Variants in GGA1 observed in about 807,000 individuals in gnomAD.
GGA1 encodes golgi associated, gamma adaptin ear containing, ARF binding protein 1.
A neutral mutation model predicts 76.9 loss-of-function variants in GGA1; 18 were observed. The observed-to-expected ratio is 0.23, with a 90% CI of 0.16 to 0.35. The LOEUF is 0.35. Among genes scored for constraint, GGA1 ranks in the 10% least tolerant of loss-of-function variants. The pLI is 1.00. For missense variants in GGA1, 755 were observed against 859.0 expected (o/e 0.88, Z 1.51); for synonymous variants, 342 against 354.7 (o/e 0.96, Z 0.40).
chr22:37,623,386 CAAT>C lies in GGA1; in HGVS notation c.670_672del (p.Asn224del). Reference sequence around the variant, plus strand: ...TGAATGCCATCGAGGAGGTGAACAACAATGTGAAACTGCTCACGGAGATGGTGA... The same window carrying C: ...TGAATGCCATCGAGGAGGTGAACAACGTGAAACTGCTCACGGAGATGGTGA... On this transcript the variant is annotated inframe_deletion, in exon 8 of 17. Coordinates refer to ENST00000343632, the MANE Select transcript of GGA1 (RefSeq NM_013365.5). This position sits in a 1 kb window ranked among gnomAD's most constrained non-coding sequence, Gnocchi z 4.6. 1 of 1,613,832 alleles carries C rather than the reference CAAT, an allele frequency of 6.2e-7. No homozygotes were observed.
chr22:37,629,659 G>A, intron 12 of GGA1, 133 bp downstream of exon 12: 1 of 600,298 alleles, frequency 1.7e-6, no homozygotes. Flanking sequence ...TGGCCCAGGG[G>A]CCTGGAGACA....
rs747962929 is a variant in GGA1, at chr22:37,616,982, G to A, written c.189G>A (p.Ala63=). 19 of 1,607,502 alleles carry A rather than the reference G, an allele frequency of 1.2e-5. No individual in the cohort carries two copies. The highest frequency in any genetic ancestry group is 1.6e-4 in the Middle Eastern group (1 of 6,072). ...TCCAGTCCCCACAGGAGTGGGAGGC[G>A]ATCCAGGCCTTGACGGTGAGAAGGG... ...HKIQSPQEWE[A]IQALTVLETC... Residue 63 remains alanine, a synonymous_variant, in exon 3 of 17, where the codon GCG becomes GCA. Transcript: ENST00000343632.
At chr22:37,627,330 G>A (rs1382817355) in intron 11 of GGA1, among the ~76,000 whole-genome samples, 2 of 152,154 alleles carry the variant, frequency 1.3e-5, no homozygotes, top group Non-Finnish European at 2.9e-5. Flanking sequence ...AGTGTGGAGG[G>A]AGAGCTGAAG....
In GGA1 at chr22:37,609,276, C is replaced by G. The variant is rs1927010128; in HGVS notation, c.43+373C>G. On this transcript the variant is annotated intron_variant, in intron 1 of 16. Coordinates refer to ENST00000343632, the MANE Select transcript of GGA1 (RefSeq NM_013365.5). ...CGAGCGGTTCCCCGGGGTTGCATCT[C>G]ACACCCGGGAGGGAGGGACCCTACT... The G allele has an allele frequency of 2.2e-5, 25 of 1,139,358 alleles. No homozygotes were observed. In the South Asian group the frequency reaches 4.1e-4, roughly 18 times the overall value. 70.6% of individuals were successfully genotyped at this position (1,139,358 alleles called of 1,614,324 possible).
chr22:37,631,979 C>G lies in GGA1; in HGVS notation c.1529-17C>G. On this transcript the variant is annotated splice_polypyrimidine_tract_variant and intron_variant, in intron 14 of 16. Coordinates refer to ENST00000343632, the MANE Select transcript of GGA1 (RefSeq NM_013365.5). Reference sequence around the variant, plus strand: ...TGCAGCTCAGCTGTCCCATCGCCCTCCCACCTTCTCCCACAGGCAACATCC... The same window carrying G: ...TGCAGCTCAGCTGTCCCATCGCCCTGCCACCTTCTCCCACAGGCAACATCC... The G allele has an allele frequency of 6.3e-7, 1 of 1,593,652 alleles. No individual in the cohort carries two copies. Among genetic ancestry groups the G allele is most frequent in the South Asian group, 1.1e-5 (1 of 90,032 alleles).
At position 37,624,843 on chromosome 22, in the gene GGA1, G is replaced by A; in HGVS notation, c.833-126G>A. 1 of 1,315,644 alleles carries A rather than the reference G, an allele frequency of 7.6e-7. No individual in the cohort carries two copies. The highest frequency in any genetic ancestry group is 1.5e-5 in the African/African-American group (1 of 68,576). The allele number at this position is 1,315,644 out of a possible 1,614,324, so 81.5% of individuals were successfully genotyped here. A position where few individuals can be genotyped will look rare whatever the true frequency, so the allele number is the denominator to read the frequency against. On this transcript the variant is annotated intron_variant, in intron 9 of 16. Coordinates refer to ENST00000343632, the MANE Select transcript of GGA1 (RefSeq NM_013365.5). The surrounding 1 kb of genome is among the most constrained non-coding windows in gnomAD (Gnocchi z 4.3). ...GCCAGAGTCTCAGCAGACGAGATGG[G>A]CTGTTTCCCTGCCCCTTTCCCTTCC...
chr22:37,620,054 A>G (rs1568979685), intron 4 of GGA1, 184 bp from the exon 5 acceptor site: 1 of 666,308 alleles, frequency 1.5e-6, no homozygotes, highest in East Asian at 2.5e-5. Context: ...GACCCAGCTA[A>G]TAAGTGGCAG....
chr22:37,632,009 C>T lies in GGA1; in HGVS notation c.1542C>T (p.Pro514=), dbSNP rs139989671. ...LESIKPSNIL[P]VTVYDQHGFR... ...CTTCTCCCACAGGCAACATCCTGCC[C>T]GTGACTGTGTATGACCAGCACGGCT... Residue 514 remains proline (P), a synonymous_variant, in exon 15 of 17, where the codon CCC becomes CCT. Transcript: ENST00000343632. The surrounding 1 kb of genome is among the most constrained non-coding windows in gnomAD (Gnocchi z 5.1). 680 of 1,610,824 alleles carry T rather than the reference C, an allele frequency of 4.2e-4. 2 individuals carry two copies. In the African/African-American group the frequency reaches 7.4e-3, roughly 18 times the overall value.
rs773438908 is a variant in GGA1 at position 37,632,552 on chromosome 22, G to C, written c.1809+37G>C. ...CCAGGCAGTGCTGCAGGGTGGGGAC[G>C]GCCACTTCTCCTCCTCTGACCCCTC... is the stretch of plus-strand genomic sequence containing the variant. On this transcript the variant is annotated intron_variant, in intron 16 of 16. Transcript: ENST00000343632. This position sits in a 1 kb window ranked among gnomAD's most constrained non-coding sequence, Gnocchi z 5.1. The C allele has an allele frequency of 6.3e-7, 1 of 1,579,108 alleles. No homozygotes were observed. Among genetic ancestry groups the C allele is most frequent in the Admixed American group, 1.7e-5 (1 of 59,930 alleles).
At chr22:37,616,649 A>AC (rs1473050580) in intron 2 of GGA1, among the ~76,000 whole-genome samples, 1 of 152,106 alleles carries the variant, frequency 6.6e-6, no homozygotes, top group Non-Finnish European at 1.5e-5. Flanking sequence ...CTGAGCTCAT[A>AC]CCTTTTGAAG....
At chr22:37,611,315 G>A (rs1478539810) in intron 1 of GGA1, among the ~76,000 whole-genome samples, 3 of 151,722 alleles carry the variant, frequency 2.0e-5, no homozygotes, top group African/African-American at 4.8e-5. Flanking sequence ...AGCTCTGAGA[G>A]CCCTCCCAGA....
rs1928257392 is a variant in GGA1 at position 37,613,993 on chromosome 22, G to C, written c.44-197G>C. ...GTCTCTAAAAGTGGGGCCCTTTGGAGGGCAGCTGTGCTCATCTGTCTGTCT... is the reference window on the plus strand; with the variant it reads ...GTCTCTAAAAGTGGGGCCCTTTGGACGGCAGCTGTGCTCATCTGTCTGTCT... On this transcript the variant is annotated intron_variant, in intron 1 of 16. Transcript: ENST00000343632. The C allele has an allele frequency of 5.4e-6, 3 of 559,758 alleles. No individual in the cohort carries two copies. The South Asian group carries it at 5.9e-5, about 11-fold the overall frequency. The allele number at this position is 559,758 out of a possible 1,614,324, so 34.7% of individuals were successfully genotyped here.
intron 11 of GGA1, among the ~76,000 whole-genome samples, chr22:37,628,784 T>C (rs1165768692): frequency 6.6e-6 from 1 of 152,212 alleles, no homozygotes; most frequent in African/African-American, 2.4e-5. Flanking sequence ...TCCCTTATCT[T>C]CTCTAGGTCA....
chr22:37,630,183 C>T lies in GGA1; in HGVS notation c.1331+13C>T. ...AGCAAGTGCGGTGGTGAGGGCCCAC[C>T]ATGGCTGGCATGGGGTGGGGAGCAC... is the stretch of plus-strand genomic sequence containing the variant. On this transcript the variant is annotated intron_variant, in intron 13 of 16. Coordinates refer to ENST00000343632, the MANE Select transcript of GGA1 (RefSeq NM_013365.5). 6.5e-7 allele frequency: 1 copy of T among 1,545,732 alleles called. No individual in the cohort carries two copies. Among genetic ancestry groups the T allele is most frequent in the Non-Finnish European group, 8.7e-7 (1 of 1,146,100 alleles).
At position 37,623,840 on chromosome 22, in the gene GGA1, CT is replaced by C; in HGVS notation, c.832+209del. On this transcript the variant is annotated intron_variant, in intron 9 of 16. Coordinates refer to ENST00000343632, the MANE Select transcript of GGA1 (RefSeq NM_013365.5). This position sits in a 1 kb window ranked among gnomAD's most constrained non-coding sequence, Gnocchi z 4.6. ...TTGAGAGGCCCTGTGGGCCAGCCCC[CT>C]TAACAGGCATCTTATTTACTACCCG... 5.3e-6 allele frequency: 3 copies of C among 562,154 alleles called. No individual in the cohort carries two copies. Among genetic ancestry groups the C allele is most frequent in the Non-Finnish European group, 9.6e-6 (3 of 311,326 alleles). The allele number at this position is 562,154 out of a possible 1,614,324, so 34.8% of individuals were successfully genotyped here.
At position 37,625,895 on chromosome 22, in the gene GGA1, C is replaced by T. The variant is rs760015742; in HGVS notation, c.1039C>T (p.Pro347Ser). The stretch of plus-strand genomic sequence containing the variant: ...CACCCGCCCTGGCGAGCAGGCCAGC[C>T]CTGAGCAGCCCAGTGCCTCAGTTTC... ...MPTRPGEQASPEQPSASVSLL... is the reference protein window; with the variant it reads ...MPTRPGEQASSEQPSASVSLL... The change falls in exon 11 of 17, where the codon CCT becomes TCT. Residue 347 changes from proline to serine, a missense_variant. By Grantham distance (74) the Pro-to-Ser change is moderately conservative. Transcript: ENST00000343632. The surrounding 1 kb of genome is among the most constrained non-coding windows in gnomAD (Gnocchi z 4.1). 1 of 1,608,786 alleles carries T rather than the reference C, an allele frequency of 6.2e-7. No homozygotes were observed. Among genetic ancestry groups the T allele is most frequent in the Non-Finnish European group, 8.5e-7 (1 of 1,177,952 alleles).
intron 13 of GGA1, chr22:37,630,430 C>G: frequency 1.9e-6 from 1 of 516,184 alleles, no homozygotes; most frequent in Non-Finnish European, 3.4e-6. Context: ...GGGGAGGACA[C>G]TGGGCTGGAG....
chr22:37,624,762 A>G lies in GGA1; in HGVS notation c.833-207A>G, dbSNP rs1930499684. ...AGTGTGTTGAGACAGCCCAGGCAGT[A>G]TGGCAGGGAGTGAATGAGGGAAGGG... On this transcript the variant is annotated intron_variant, in intron 9 of 16. Transcript: ENST00000343632. The surrounding 1 kb of genome is among the most constrained non-coding windows in gnomAD (Gnocchi z 4.3). The G allele has an allele frequency of 1.6e-6, 1 of 608,040 alleles. No individual in the cohort carries two copies. The highest frequency in any genetic ancestry group is 1.9e-5 in the South Asian group (1 of 53,242). The allele number at this position is 608,040 out of a possible 1,614,324, so 37.7% of individuals were successfully genotyped here.
chr22:37,611,293 C>T (rs556090992), intron 1 of GGA1, among the ~76,000 whole-genome samples: 1 of 152,132 alleles, frequency 6.6e-6, no homozygotes, highest in Non-Finnish European at 1.5e-5. Context: ...TTCGTCCTTC[C>T]GATCTCAGCT....
Sources: allele counts gnomAD v4.1 joint callset (sites outside exome capture counted in the v4.1 genomes callset), GRCh38; gene constraint gnomAD v4.1.1; non-coding constraint Gnocchi (gnomAD v3.1); transcripts MANE v1.5; gene names NCBI Gene and HGNC (gene_info 2026-07-23, HGNC 2026-07-21).